KHDC3L: variants seen among roughly 807,000 people sequenced by gnomAD.
KHDC3L encodes KH domain containing 3 like, subcortical maternal complex member, also known as KH domain-containing protein 3.
KHDC3L carries 6 observed loss-of-function variants against 11.4 expected under a neutral mutation model. That is an observed-to-expected ratio of 0.52 (90% CI 0.29 to 1.03). The LOEUF (loss-of-function observed/expected upper bound fraction) is 1.03, where lower values mean the gene tolerates loss of function less well. KHDC3L is among the 50% of genes least tolerant of loss of function. KHDC3L has a pLI of 0.09. For missense variants in KHDC3L, 293 were observed against 290.4 expected (o/e 1.01, Z -0.07); for synonymous variants, 127 against 120.9 (o/e 1.05, Z -0.33).
At position 73,363,281 on chromosome 6, in the gene KHDC3L, G is replaced by GAAAACTACCATTAATGAAC; in HGVS notation, c.349+7_349+8insAAAACTACCATTAATGAAC. The GAAAACTACCATTAATGAAC allele has an allele frequency of 6.2e-7, 1 of 1,613,984 alleles. No homozygotes were observed. Among genetic ancestry groups the GAAAACTACCATTAATGAAC allele is most frequent in the Non-Finnish European group, 8.5e-7 (1 of 1,179,958 alleles). Reference sequence around the variant, plus strand: ...CGCCAGCTCCAGGCGAAAGGTACGGGGCTGGGAATAGGGCTACCTGGAGCA... The same window carrying GAAAACTACCATTAATGAAC: ...CGCCAGCTCCAGGCGAAAGGTACGGGAAAACTACCATTAATGAACGCTGGGAATAGGGCTACCTGGAGCA... On this transcript the variant is annotated splice_region_variant and intron_variant, in intron 2 of 2. Transcript: ENST00000370367.
At position 73,363,128 on chromosome 6, in the gene KHDC3L, G is replaced by A. The variant is rs368489194; in HGVS notation, c.203G>A (p.Gly68Asp). ...RGGERIPHVQ[G>D]MSQILIHVNR... is the part of the protein sequence containing the mutation. ...GGAGAACGCATCCCGCACGTCCAGG[G>A]TATGTCCCAAATCTTGATTCACGTG... Residue 68 changes from glycine (G) to aspartate (D), a missense_variant, in exon 2 of 3, where the codon GGT (glycine) becomes GAT (aspartate). Transcript: ENST00000370367. 4.2e-5 allele frequency: 67 copies of A among 1,614,034 alleles called. No individual in the cohort carries two copies. Among genetic ancestry groups the A allele is most frequent in the Non-Finnish European group, 4.6e-5 (54 of 1,180,044 alleles).
rs1768913203 is a variant in KHDC3L, at chr6:73,363,763, C to A, written c.557C>A (p.Ala186Asp). Reference sequence around the variant, plus strand: ...GGGACCCAGCAGTCTCTCCAGGCTGCCAACAAGTCGGGGACCCAGCGATCC... The same window carrying A: ...GGGACCCAGCAGTCTCTCCAGGCTGACAACAAGTCGGGGACCCAGCGATCC... ...EAGTQQSLQA[A>D]NKSGTQRSPE... The change falls in exon 3 of 3, where the codon GCC (alanine) becomes GAC (aspartate). Residue 186 changes from alanine (A) to aspartate (D), a missense_variant. Transcript: ENST00000370367. 1 of 1,613,388 alleles carries A rather than the reference C, an allele frequency of 6.2e-7. No individual in the cohort carries two copies. The highest frequency in any genetic ancestry group is 1.7e-5 in the Admixed American group (1 of 59,976).
In KHDC3L at chr6:73,362,667, C is replaced by A; in HGVS notation, c.-63C>A. The stretch of plus-strand genomic sequence containing the variant: ...AGGCAGAACCGCGGTTCTAGTCTCC[C>A]AGCTCCAGCTCGGCCTTTGGGTTTG... On this transcript the variant is annotated 5_prime_UTR_variant, in exon 1 of 3. Coordinates refer to ENST00000370367, the MANE Select transcript of KHDC3L (RefSeq NM_001017361.3). The A allele has an allele frequency of 6.4e-7, 1 of 1,564,768 alleles. No individual in the cohort carries two copies. Among genetic ancestry groups the A allele is most frequent in the Non-Finnish European group, 8.7e-7 (1 of 1,143,518 alleles).
Position 73,363,281 on chromosome 6 carries a change from G to T in KHDC3L, c.349+7G>T. The T allele has an allele frequency of 6.2e-7, 1 of 1,613,984 alleles. No individual in the cohort carries two copies. Among genetic ancestry groups the T allele is most frequent in the Admixed American group, 1.7e-5 (1 of 60,028 alleles). ...CGCCAGCTCCAGGCGAAAGGTACGG[G>T]GCTGGGAATAGGGCTACCTGGAGCA... On this transcript the variant is annotated splice_region_variant and intron_variant, in intron 2 of 2. Coordinates refer to ENST00000370367, the MANE Select transcript of KHDC3L (RefSeq NM_001017361.3).
chr6:73,363,477 A>G, intron 2 of KHDC3L, 79 bp from the exon 3 acceptor site: 1 of 1,535,924 alleles, frequency 6.5e-7, no homozygotes, highest in Non-Finnish European at 8.8e-7. Flanking sequence ...CTACTCCCGC[A>G]GGCCGCTTGG....
At chr6:73,363,522 C>G (rs778817450) in intron 2 of KHDC3L, 34 bp from the exon 3 acceptor site, 5 of 1,593,054 alleles carry the variant, frequency 3.1e-6, no homozygotes, top group African/African-American at 1.3e-5. Context: ...TATAGAGACA[C>G]AGCTGTGGCC....
intron 2 of KHDC3L, 101 bp downstream of exon 2, chr6:73,363,375 C>A (rs969808659): frequency 4.8e-6 from 7 of 1,472,900 alleles, no homozygotes; most frequent in Non-Finnish European, 6.6e-6. Context: ...CCCTCCCAGT[C>A]GGCCTGCGGT....
At position 73,362,907 on chromosome 6, in the gene KHDC3L, A is replaced by G; in HGVS notation, c.169+9A>G. 6.2e-7 allele frequency: 1 copy of G among 1,614,114 alleles called. No homozygotes were observed. The highest frequency in any genetic ancestry group is 8.5e-7 in the Non-Finnish European group (1 of 1,180,012). On this transcript the variant is annotated intron_variant, in intron 1 of 2. Transcript: ENST00000370367. ...GGTGGAAAAGATCTTCGGTGAGTGG[A>G]CCAAGAAGGGGCAGCCCCCATGCGG...
Position 73,363,542 on chromosome 6 carries a change from T to C in KHDC3L, c.350-14T>C. ...AGACACAGCTGTGGCCTCTGCACAC[T>C]GCTCTTCTTCCAGGCTCAGGAAAGG... On this transcript the variant is annotated splice_polypyrimidine_tract_variant and intron_variant, in intron 2 of 2. Coordinates refer to ENST00000370367, the MANE Select transcript of KHDC3L (RefSeq NM_001017361.3). The C allele has an allele frequency of 6.2e-7, 1 of 1,604,540 alleles. No homozygotes were observed. The highest frequency in any genetic ancestry group is 8.5e-7 in the Non-Finnish European group (1 of 1,179,318).
At position 73,363,920 on chromosome 6, in the gene KHDC3L, C is replaced by T. The variant is rs1768917160; in HGVS notation, c.*60C>T. ...GGGTTAAAGTGAAAGCCCGTATTTCCGCCCAGAAGCTGGGGTTGGGGAGAG... is the reference window on the plus strand; with the variant it reads ...GGGTTAAAGTGAAAGCCCGTATTTCTGCCCAGAAGCTGGGGTTGGGGAGAG... On this transcript the variant is annotated 3_prime_UTR_variant, in exon 3 of 3. Transcript: ENST00000370367. 6.4e-7 allele frequency: 1 copy of T among 1,551,094 alleles called. No individual in the cohort carries two copies.
chr6:73,364,065 A>G lies in KHDC3L; in HGVS notation c.*205A>G. 4.8e-6 allele frequency: 3 copies of G among 630,082 alleles called. No homozygotes were observed. 39.0% of individuals were successfully genotyped at this position (630,082 alleles called of 1,614,324 possible). On this transcript the variant is annotated 3_prime_UTR_variant, in exon 3 of 3. Coordinates refer to ENST00000370367, the MANE Select transcript of KHDC3L (RefSeq NM_001017361.3). ...CCTCCCCCCCGCCTCACTTAAGTCC[A>G]GGAAGCTGGGGTGGCGAGGAAGGAT...
In KHDC3L at chr6:73,362,758, T is replaced by C. The variant is rs953883035; in HGVS notation, c.29T>C (p.Leu10Pro). The change falls in exon 1 of 3, where the codon CTC becomes CCC. Residue 10 changes from leucine to proline, a missense_variant. Coordinates refer to ENST00000370367, the MANE Select transcript of KHDC3L (RefSeq NM_001017361.3). The part of the protein sequence containing the change: MDAPRRFPT[L>P]VQLMQPKAMP... ...GACGCTCCCAGGCGGTTTCCGACGC[T>C]CGTGCAACTGATGCAGCCAAAAGCA... 1.5e-5 allele frequency: 25 copies of C among 1,614,068 alleles called. No individual in the cohort carries two copies. Among genetic ancestry groups the C allele is most frequent in the Non-Finnish European group, 2.0e-5 (24 of 1,180,042 alleles).
Position 73,362,821 on chromosome 6 carries a change from T to C in KHDC3L, c.92T>C (p.Phe31Ser), listed in dbSNP as rs1768890076. Residue 31 changes from phenylalanine to serine, a missense_variant, in exon 1 of 3, where the codon TTC (phenylalanine) becomes TCC (serine). Transcript: ENST00000370367. ...VEVLGHLPKR[F>S]SWFHSEFLKN... ...GTGCTCGGTCACCTCCCTAAGCGGT[T>C]CTCCTGGTTCCACTCTGAGTTCCTG... is the stretch of plus-strand genomic sequence containing the variant. 6.2e-7 allele frequency: 1 copy of C among 1,614,176 alleles called. No homozygotes were observed. Among genetic ancestry groups the C allele is most frequent in the African/African-American group, 1.3e-5 (1 of 75,050 alleles).
At position 73,362,822 on chromosome 6, in the gene KHDC3L, C is replaced by G; in HGVS notation, c.93C>G (p.Phe31Leu). Residue 31 changes from phenylalanine to leucine, a missense_variant, in exon 1 of 3, where the codon TTC becomes TTG. By Grantham distance (22) the Phe-to-Leu change is conservative (BLOSUM62 0). Transcript: ENST00000370367. ...VEVLGHLPKRFSWFHSEFLKN... is the reference protein window; with the variant it reads ...VEVLGHLPKRLSWFHSEFLKN... ...TGCTCGGTCACCTCCCTAAGCGGTT[C>G]TCCTGGTTCCACTCTGAGTTCCTGA... 6.2e-7 allele frequency: 1 copy of G among 1,614,206 alleles called. No homozygotes were observed. Among genetic ancestry groups the G allele is most frequent in the Non-Finnish European group, 8.5e-7 (1 of 1,180,042 alleles).
chr6:73,363,743 C>G lies in KHDC3L; in HGVS notation c.537C>G (p.Thr179=), dbSNP rs774772638. Residue 179 remains threonine (T), a synonymous_variant, in exon 3 of 3, where the codon ACC becomes ACG. Coordinates refer to ENST00000370367, the MANE Select transcript of KHDC3L (RefSeq NM_001017361.3). ...GSPVEVQEAG[T]QQSLQAANKS... ...CGGTGGAGGTGCAGGAGGCCGGGAC[C>G]CAGCAGTCTCTCCAGGCTGCCAACA... The G allele has an allele frequency of 3.7e-6, 6 of 1,613,750 alleles. No individual in the cohort carries two copies. The Admixed American group carries it at 1.0e-4, about 27-fold the overall frequency.
At position 73,363,943 on chromosome 6, in the gene KHDC3L, G is replaced by T; in HGVS notation, c.*83G>T. ...TCCGCCCAGAAGCTGGGGTTGGGGA[G>T]AGGATGTGGATTTTTTGTTTTACCC... On this transcript the variant is annotated 3_prime_UTR_variant, in exon 3 of 3. Transcript: ENST00000370367. The T allele has an allele frequency of 7.0e-7, 1 of 1,435,728 alleles. No individual in the cohort carries two copies. Among genetic ancestry groups the T allele is most frequent in the Non-Finnish European group, 9.6e-7 (1 of 1,040,308 alleles). 88.9% of individuals were successfully genotyped at this position (1,435,728 alleles called of 1,614,324 possible).
intron 1 of KHDC3L, 55 bp from the exon 2 acceptor site, chr6:73,363,040 T>C (rs568175839): frequency 6.2e-7 from 1 of 1,610,630 alleles, no homozygotes; most frequent in South Asian, 1.1e-5. Flanking sequence ...CACCTTCCCC[T>C]CCCAAGACCC....
intron 1 of KHDC3L, 39 bp downstream of exon 1, chr6:73,362,937 T>C: frequency 6.2e-7 from 1 of 1,613,736 alleles, no homozygotes; most frequent in Non-Finnish European, 8.5e-7. Flanking sequence ...ATGCGGCTTC[T>C]TTCTGCCACC....
chr6:73,362,744 G>A lies in KHDC3L; in HGVS notation c.15G>A (p.Arg5=), dbSNP rs192258859. 91 of 1,614,204 alleles carry A rather than the reference G, an allele frequency of 5.6e-5. No individual in the cohort carries two copies. The East Asian group carries it at 1.9e-3, about 34-fold the overall frequency. Residue 5 remains arginine (R), a synonymous_variant, in exon 1 of 3, where the codon AGG becomes AGA. Coordinates refer to ENST00000370367, the MANE Select transcript of KHDC3L (RefSeq NM_001017361.3). ...CCGGCCGCAGCATGGACGCTCCCAG[G>A]CGGTTTCCGACGCTCGTGCAACTGA... MDAP[R]RFPTLVQLMQ...
Sources: gnomAD v4.1 joint callset for allele counts on GRCh38, gnomAD v4.1.1 for gene constraint, MANE v1.5 for transcripts, NCBI Gene and HGNC (gene_info 2026-07-23, HGNC 2026-07-21) for gene names.